TECTA: variants seen among roughly 807,000 people sequenced by gnomAD.
The protein encoded by TECTA is alpha-tectorin.
In TECTA, 128 loss-of-function variants were observed where a neutral mutation model predicts 216.8. The observed-to-expected ratio is 0.59, with a 90% CI of 0.51 to 0.68. The LOEUF (loss-of-function observed/expected upper bound fraction) is 0.68, where lower values mean the gene tolerates loss of function less well. Among genes scored for constraint, TECTA ranks in the 30% least tolerant of loss-of-function variants. TECTA has a pLI of 0.00. For synonymous variants in TECTA, 1,089 were observed against 1,117.1 expected (o/e 0.97, Z 0.50); for missense variants, 2,551 against 2,786.2 (o/e 0.92, Z 1.90).
chr11:121,138,274 C>T (rs1402026193), intron 11 of TECTA, among the ~76,000 whole-genome samples: 1 of 152,188 alleles, frequency 6.6e-6, no homozygotes, highest in Non-Finnish European at 1.5e-5. Flanking sequence ...GGAAGCAGTG[C>T]CTTTCGTATG....
Position 121,113,607 on chromosome 11 carries a change from A to AT in TECTA, c.679_680insT (p.Thr227IlefsTer22). ...TTTCTTCAGCCTCCCGGGGTCAAGA[A>AT]CCCCCGAGATCGTGAATATCCAGGA... is the stretch of plus-strand genomic sequence containing the variant. On this transcript the variant is annotated frameshift_variant, in exon 6 of 24. Transcript: ENST00000392793. LOFTEE classifies it high-confidence loss of function. The surrounding 1 kb of genome is among the most constrained non-coding windows in gnomAD (Gnocchi z 4.2). The AT allele has an allele frequency of 1.2e-6, 2 of 1,613,610 alleles. No homozygotes were observed. The highest frequency in any genetic ancestry group is 1.7e-5 in the Admixed American group (1 of 59,982).
chr11:121,119,274 A>G (rs1025619600), intron 7 of TECTA, among the ~76,000 whole-genome samples: 4 of 152,170 alleles, frequency 2.6e-5, no homozygotes, highest in Non-Finnish European at 4.4e-5. Context: ...CCACCTGTGC[A>G]GGCACCTGGA....
intron 10 of TECTA, among the ~76,000 whole-genome samples, chr11:121,131,739 C>T (rs1349611702): frequency 6.6e-6 from 1 of 152,186 alleles, no homozygotes; most frequent in East Asian, 1.9e-4. Context: ...CTTTGACTTT[C>T]ATTGTCTTAG....
chr11:121,162,154 C>G lies in TECTA; in HGVS notation c.5056C>G (p.Gln1686Glu). 1.2e-6 allele frequency: 2 copies of G among 1,614,214 alleles called. No individual in the cohort carries two copies. Among genetic ancestry groups the G allele is most frequent in the Non-Finnish European group, 1.7e-6 (2 of 1,180,052 alleles). Residue 1686 changes from glutamine (Q) to glutamate (E), a missense_variant, in exon 16 of 24, where the codon CAG becomes GAG. Physicochemically the swap from Gln to Glu is conservative, Grantham distance 29. This residue lies in a region of TECTA where 2,375 missense variants were observed against 2,563.9 expected (regional missense o/e 0.93). Coordinates refer to ENST00000392793, the MANE Select transcript of TECTA (RefSeq NM_005422.4). ...TGACAATGTGCACATCCAGAAGATGCAGGGTGATGGCTACTGCCTGAAGCT... is the reference window on the plus strand; with the variant it reads ...TGACAATGTGCACATCCAGAAGATGGAGGGTGATGGCTACTGCCTGAAGCT... Reference protein sequence around the residue: ...MCDNVHIQKMQGDGYCLKLTD... With the variant: ...MCDNVHIQKMEGDGYCLKLTD...
intron 20 of TECTA, among the ~76,000 whole-genome samples, chr11:121,176,420 A>G (rs961001498): frequency 2.1e-5 from 3 of 141,618 alleles, no homozygotes; most frequent in African/African-American, 5.6e-5. Context: ...TTGTCTGTAA[A>G]GTATTTTATT....
At chr11:121,152,197 G>C (rs763090266) in intron 12 of TECTA, among the ~76,000 whole-genome samples, 2 of 152,226 alleles carry the variant, frequency 1.3e-5, no homozygotes, top group Admixed American at 6.5e-5. Context: ...TAATTGACGT[G>C]AATCAGTTTG....
chr11:121,146,767 G>T (rs1018433744), intron 12 of TECTA, among the ~76,000 whole-genome samples: 8 of 152,124 alleles, frequency 5.3e-5, no homozygotes, highest in Admixed American at 1.3e-4. Context: ...ATCCAATTAG[G>T]TAATTGAAAG....
chr11:121,119,521 C>T (rs1053444591), intron 7 of TECTA, among the ~76,000 whole-genome samples: 3 of 152,174 alleles, frequency 2.0e-5, no homozygotes, highest in African/African-American at 7.2e-5. Context: ...TCAATTTGTG[C>T]AGGCCCCAAT....
chr11:121,179,345 A>C (rs1214264506), intron 20 of TECTA, among the ~76,000 whole-genome samples: 1 of 152,094 alleles, frequency 6.6e-6, no homozygotes, highest in Non-Finnish European at 1.5e-5. Flanking sequence ...TCAGTGTCCA[A>C]AATTTCTCTT....
At chr11:121,118,766 C>T (rs2135067924) in intron 7 of TECTA, 48 bp downstream of exon 7, 1 of 1,608,360 alleles carries the variant, frequency 6.2e-7, no homozygotes, top group Non-Finnish European at 8.5e-7. Flanking sequence ...GCTGGAGATT[C>T]TTCAGCCTAG....
intron 20 of TECTA, among the ~76,000 whole-genome samples, chr11:121,179,971 T>G (rs1947208944): frequency 6.9e-6 from 1 of 145,190 alleles, no homozygotes; most frequent in African/African-American, 2.5e-5. Context: ...TGTTTGTTTG[T>G]TTGTTTTTTT....
At chr11:121,149,603 A>G (rs1946870684) in intron 12 of TECTA, among the ~76,000 whole-genome samples, 1 of 152,208 alleles carries the variant, frequency 6.6e-6, no homozygotes, top group Non-Finnish European at 1.5e-5. Flanking sequence ...AGAGTAAGTA[A>G]CCTGTCCATA....
At chr11:121,148,233 A>T (rs1946858233) in intron 12 of TECTA, among the ~76,000 whole-genome samples, 2 of 152,110 alleles carry the variant, frequency 1.3e-5, no homozygotes, top group Admixed American at 1.3e-4. Flanking sequence ...TCCCACCAGC[A>T]CGTTCCAGGC....
rs1404388140 is a variant in TECTA at position 121,127,437 on chromosome 11, T to TA, written c.1775-314dup. Among the ~76,000 whole-genome samples, 3 of 152,208 alleles carry TA rather than the reference T, an allele frequency of 2.0e-5. No homozygotes were observed. Among genetic ancestry groups the TA allele is most frequent in the African/African-American group, 7.2e-5 (3 of 41,448 alleles). ...AGTGGAAGGTCTTAAAATATCTCGG[T>TA]AGTGTGGATCATCAAATAATAAACC... On this transcript the variant is annotated intron_variant, in intron 8 of 23. Coordinates refer to ENST00000392793, the MANE Select transcript of TECTA (RefSeq NM_005422.4). This position sits in a 1 kb window ranked among gnomAD's most constrained non-coding sequence, Gnocchi z 5.0.
rs569260996 is a variant in TECTA, at chr11:121,177,847, G to A, written c.5999+8922G>A. Among the ~76,000 whole-genome samples, 233 of 152,296 alleles carry A rather than the reference G, an allele frequency of 1.5e-3. 1 individual carries two copies. The South Asian group carries it at 0.031, about 20-fold the overall frequency. Reference sequence around the variant, plus strand: ...GGGCTCCACCCAGTTCGAGCTTCCCGGCTGCTTTGTTTACCTAAGCAAGCC... The same window carrying A: ...GGGCTCCACCCAGTTCGAGCTTCCCAGCTGCTTTGTTTACCTAAGCAAGCC... On this transcript the variant is annotated intron_variant, in intron 20 of 23. Coordinates refer to ENST00000392793, the MANE Select transcript of TECTA (RefSeq NM_005422.4).
intron 17 of TECTA, among the ~76,000 whole-genome samples, chr11:121,166,103 G>A (rs1466093348): frequency 1.3e-5 from 2 of 152,168 alleles, no homozygotes; most frequent in African/African-American, 4.8e-5. Context: ...AATGTCAATC[G>A]GTGCCTTGCC....
At chr11:121,110,699 T>C (rs1829) in intron 4 of TECTA, 113,400 of 152,144 alleles carry the variant, frequency 0.75, 42,601 homozygotes, top group Non-Finnish European at 0.78. Flanking sequence ...TGCCAGCAAT[T>C]GATAAATTTT....
Position 121,113,332 on chromosome 11 carries a change from C to G in TECTA, c.624+123C>G. On this transcript the variant is annotated intron_variant, in intron 5 of 23. Transcript: ENST00000392793. This position sits in a 1 kb window ranked among gnomAD's most constrained non-coding sequence, Gnocchi z 4.2. ...AACTAGAGACGCAGGTCTGATCTCG[C>G]AGGTGGACTACGAGGCTAGTCCTGC... is the stretch of plus-strand genomic sequence containing the variant. 1 of 1,549,784 alleles carries G rather than the reference C, an allele frequency of 6.5e-7. No individual in the cohort carries two copies. Among genetic ancestry groups the G allele is most frequent in the Non-Finnish European group, 8.8e-7 (1 of 1,133,294 alleles).
At chr11:121,165,042 A>C (rs1312835358) in intron 16 of TECTA, among the ~76,000 whole-genome samples, 1 of 152,192 alleles carries the variant, frequency 6.6e-6, no homozygotes, top group Non-Finnish European at 1.5e-5. Flanking sequence ...TATAATACTT[A>C]GCTTGAGGAG....
Sources: gnomAD v4.1 joint callset for allele counts (sites outside exome capture counted in the v4.1 genomes callset) on GRCh38, gnomAD v4.1.1 for gene constraint, gnomAD v4.1.1 regional missense constraint, Gnocchi (gnomAD v3.1) non-coding constraint, MANE v1.5 for transcripts, NCBI Gene and HGNC (gene_info 2026-07-23, HGNC 2026-07-21) for gene names.